Variants in TENM2 observed in about 807,000 individuals in gnomAD.
TENM2 encodes teneurin-2.
TENM2 carries 52 observed loss-of-function variants against 245.2 expected under a neutral mutation model. The ratio of observed to expected loss-of-function variants is 0.21; its 90% CI spans 0.17 to 0.27. The LOEUF is 0.27. Ranked by LOEUF, TENM2 falls within the 10% of genes least tolerant of loss-of-function variation. The probability of loss-of-function intolerance (pLI) is 1.00; values close to 1 mark genes in which losing one functional copy is unlikely to be tolerated. For missense variants in TENM2, 3,046 were observed against 3,666.8 expected (o/e 0.83, Z 4.37); for synonymous variants, 1,363 against 1,438.9 (o/e 0.95, Z 1.19).
intron 2 of TENM2, among the ~76,000 whole-genome samples, chr5:167,492,023 C>T (rs1582193580): frequency 1.3e-5 from 2 of 152,108 alleles, no homozygotes; most frequent in East Asian, 1.9e-4. Context: ...ATAACTATTG[C>T]ATTATTAGTA....
chr5:167,096,389 C>T, the TENM2 span, among the ~76,000 whole-genome samples: 3 of 152,182 alleles, frequency 2.0e-5, no homozygotes, highest in African/African-American at 7.2e-5. Flanking sequence ...TTTTCTTTGA[C>T]TTCTCTCTGA....
At chr5:168,157,513 G>T (rs1327967558) in intron 12 of TENM2, among the ~76,000 whole-genome samples, 1 of 152,160 alleles carries the variant, frequency 6.6e-6, no homozygotes, top group Non-Finnish European at 1.5e-5. Context: ...GTGGCAGTAG[G>T]GGTGGAAGTA....
intron 2 of TENM2, among the ~76,000 whole-genome samples, chr5:167,630,697 T>G (rs1025906961): frequency 2.6e-5 from 4 of 152,174 alleles, no homozygotes; most frequent in Non-Finnish European, 5.9e-5. Flanking sequence ...TTCTTTAAAA[T>G]GCAATAACCA....
chr5:168,038,087 A>G (rs572773446), intron 5 of TENM2, among the ~76,000 whole-genome samples: 84 of 152,328 alleles, frequency 5.5e-4, no homozygotes, highest in African/African-American at 1.8e-3. Flanking sequence ...CAGGTGTCAC[A>G]CAGCTCAGGT....
chr5:167,906,304 A>T (rs1776082323), intron 3 of TENM2, among the ~76,000 whole-genome samples: 1 of 152,236 alleles, frequency 6.6e-6, no homozygotes, highest in Non-Finnish European at 1.5e-5. Context: ...TGCAATTAAG[A>T]ACCTCTTGTG....
intron 2 of TENM2, among the ~76,000 whole-genome samples, chr5:167,693,717 A>T (rs1757581445): frequency 6.6e-6 from 1 of 152,160 alleles, no homozygotes; most frequent in African/African-American, 2.4e-5. Flanking sequence ...GATAGTGGAA[A>T]AAATATAGCT....
intron 15 of TENM2, among the ~76,000 whole-genome samples, chr5:168,198,314 G>A (rs897806384): frequency 2.7e-5 from 4 of 150,498 alleles, no homozygotes; most frequent in Non-Finnish European, 5.9e-5. Context: ...TCCTGCCTTG[G>A]CCTCCTGAGT....
At chr5:167,941,777 C>T (rs1336870531) in intron 3 of TENM2, among the ~76,000 whole-genome samples, 2 of 152,026 alleles carry the variant, frequency 1.3e-5, no homozygotes, top group African/African-American at 4.8e-5. Flanking sequence ...TTGCTTGAGC[C>T]CAGGAATTCG....
the TENM2 span, among the ~76,000 whole-genome samples, chr5:167,068,645 G>A: frequency 6.6e-6 from 1 of 152,126 alleles, no homozygotes; most frequent in Non-Finnish European, 1.5e-5. Flanking sequence ...GCCACATGTA[G>A]CTGGTGGCTA....
chr5:167,976,652 T>C (rs904446241), intron 4 of TENM2, among the ~76,000 whole-genome samples: 8 of 152,182 alleles, frequency 5.3e-5, no homozygotes, highest in Non-Finnish European at 1.2e-4. Context: ...TAAAATAAAA[T>C]AGAATTTTTC....
intron 2 of TENM2, among the ~76,000 whole-genome samples, chr5:167,635,132 A>T (rs1290770407): frequency 6.6e-6 from 1 of 152,208 alleles, no homozygotes; most frequent in Non-Finnish European, 1.5e-5. Flanking sequence ...AATGTTGTGT[A>T]CTTTTAATAG....
At chr5:167,137,768 C>G in the TENM2 span, among the ~76,000 whole-genome samples, 1 of 152,068 alleles carries the variant, frequency 6.6e-6, no homozygotes, top group African/African-American at 2.4e-5. Flanking sequence ...GGCTTGTTAA[C>G]TTTAATTGGT....
In TENM2 at chr5:168,190,711, T is replaced by C. The variant is rs567832997; in HGVS notation, c.2780+164T>C. 13 of 607,454 alleles carry C rather than the reference T, an allele frequency of 2.1e-5. No homozygotes were observed. The African/African-American group carries it at 2.4e-4, about 11-fold the overall frequency. 37.6% of individuals were successfully genotyped at this position (607,454 alleles called of 1,614,324 possible). A position where few individuals can be genotyped will look rare whatever the true frequency, so the allele number is the denominator to read the frequency against. On this transcript the variant is annotated intron_variant, in intron 14 of 28. Coordinates refer to ENST00000518659, the Ensembl canonical transcript of TENM2. ...CTCAGAGAAGTGCCCTTTCCTCACT[T>C]TGTGTTGGGCTCCAGAACAGAGCCC...
chr5:168,063,567 G>T (rs1790232227), intron 7 of TENM2, among the ~76,000 whole-genome samples: 1 of 152,090 alleles, frequency 6.6e-6, no homozygotes, highest in Admixed American at 6.5e-5. Flanking sequence ...TTTGAAATGT[G>T]TTGGAAAGGC....
At chr5:167,337,642 G>C (rs1757859214) in intron 1 of TENM2, among the ~76,000 whole-genome samples, 1 of 152,156 alleles carries the variant, frequency 6.6e-6, no homozygotes, top group Admixed American at 6.5e-5. Context: ...TCATCTTCCA[G>C]AAGATGAATG....
intron 2 of TENM2, among the ~76,000 whole-genome samples, chr5:167,622,409 A>C (rs1354755402): frequency 6.6e-6 from 1 of 152,180 alleles, no homozygotes; most frequent in Non-Finnish European, 1.5e-5. Context: ...TGAAACAATG[A>C]ATTGAGATTC....
At chr5:168,034,067 G>GTA (rs1283703519) in intron 5 of TENM2, among the ~76,000 whole-genome samples, 4 of 105,136 alleles carry the variant, frequency 3.8e-5, no homozygotes, top group African/African-American at 8.0e-5. Flanking sequence ...ATATATATGT[G>GTA]TATATATATG....
intron 25 of TENM2, among the ~76,000 whole-genome samples, chr5:168,229,425 A>AG (rs1237791484): frequency 6.6e-6 from 1 of 152,118 alleles, no homozygotes; most frequent in Non-Finnish European, 1.5e-5. Flanking sequence ...TTCCCTGGGG[A>AG]GGGGGAATGT....
intron 5 of TENM2, among the ~76,000 whole-genome samples, chr5:168,035,079 C>CA (rs568444668): frequency 2.2e-4 from 34 of 151,646 alleles, no homozygotes; most frequent in Non-Finnish European, 4.1e-4. Flanking sequence ...AGACTTAGTG[C>CA]AAAAAAAATC....
Sources: gnomAD v4.1 joint callset for allele counts (sites outside exome capture counted in the v4.1 genomes callset) on GRCh38, gnomAD v4.1.1 for gene constraint, MANE v1.5 for transcripts, NCBI Gene and HGNC (gene_info 2026-07-23, HGNC 2026-07-21) for gene names.